VAV3: variants seen among roughly 807,000 people sequenced by gnomAD.
VAV3 encodes guanine nucleotide exchange factor VAV3.
In VAV3, 94 loss-of-function variants were observed where a neutral mutation model predicts 131.2. The observed-to-expected ratio is 0.72, with a 90% CI of 0.61 to 0.85. The LOEUF (loss-of-function observed/expected upper bound fraction) is 0.85. Ranked by LOEUF, VAV3 falls within the 40% of genes least tolerant of loss-of-function variation. The pLI is 0.00. For missense variants in VAV3, 939 were observed against 1,002.7 expected, an observed-to-expected ratio of 0.94 and a Z score of 0.86; for synonymous variants, 349 against 342.0, an observed-to-expected ratio of 1.02 and a Z score of -0.22.
At chr1:107,839,768 TA>T (rs1423181971) in intron 2 of VAV3, among the ~76,000 whole-genome samples, 1 of 152,004 alleles carries the variant, frequency 6.6e-6, no homozygotes, top group Non-Finnish European at 1.5e-5. Context: ...ATAAAACTGA[TA>T]AACTTCCAGC....
At chr1:107,655,115 C>T (rs1030370012) in intron 19 of VAV3, among the ~76,000 whole-genome samples, 3 of 152,024 alleles carry the variant, frequency 2.0e-5, no homozygotes, top group African/African-American at 7.2e-5. Flanking sequence ...TTCACATGCA[C>T]AACTGTTCAA....
chr1:107,765,217 A>T, intron 8 of VAV3, 42 bp from the exon 9 acceptor site: 1 of 1,467,624 alleles, frequency 6.8e-7, no homozygotes, highest in South Asian at 1.1e-5. Context: ...GACAAAAACC[A>T]AGAATGAACT....
intron 1 of VAV3, among the ~76,000 whole-genome samples, chr1:107,886,160 G>T (rs930163314): frequency 7.2e-5 from 11 of 152,196 alleles, no homozygotes; most frequent in African/African-American, 2.7e-4. Flanking sequence ...AATGCCTCAC[G>T]GCCATGACCC....
In VAV3 at chr1:107,839,877, C is replaced by G. The variant is rs1046130790; in HGVS notation, c.321+35024G>C. Among the ~76,000 whole-genome samples the G allele has an allele frequency of 5.8e-4, 88 of 152,144 alleles. 1 individual carries two copies. The highest frequency in any genetic ancestry group is 2.0e-3 in the African/African-American group (85 of 41,524). Reference sequence around the variant, plus strand: ...AATTCCATGGACACTGAAACGATAACAAGGGAATACAATGAACAACACTAT... The same window carrying G: ...AATTCCATGGACACTGAAACGATAAGAAGGGAATACAATGAACAACACTAT... On this transcript the variant is annotated intron_variant, in intron 2 of 26. Transcript: ENST00000370056.
Position 107,768,369 on chromosome 1 carries a change from T to A in VAV3, c.717+72A>T, listed in dbSNP as rs559430844. ...ATACAAAAGAGTATTAAAATAGGGA[T>A]CTGGAACCCCCTAAGGAAATGAAGA... On this transcript the variant is annotated intron_variant, in intron 7 of 26. Coordinates refer to ENST00000370056, the MANE Select transcript of VAV3 (RefSeq NM_006113.5). The A allele has an allele frequency of 3.1e-5, 35 of 1,143,412 alleles. No homozygotes were observed. The African/African-American group carries it at 4.6e-4, about 15-fold the overall frequency. 70.8% of individuals were successfully genotyped at this position (1,143,412 alleles called of 1,614,324 possible). A position where few individuals can be genotyped will look rare whatever the true frequency, so the allele number is the denominator to read the frequency against.
At chr1:107,836,015 T>G (rs2102401366) in intron 2 of VAV3, among the ~76,000 whole-genome samples, 1 of 152,256 alleles carries the variant, frequency 6.6e-6, no homozygotes, top group South Asian at 2.1e-4. Context: ...CACCTAACAC[T>G]GGAGCATCCA....
intron 2 of VAV3, among the ~76,000 whole-genome samples, chr1:107,804,766 T>TG (rs931162515): frequency 2.0e-5 from 3 of 152,084 alleles, no homozygotes; most frequent in Non-Finnish European, 4.4e-5. Flanking sequence ...TTTTGGTTTT[T>TG]TTTGTTTGTT....
chr1:107,809,054 G>T (rs1318074480), intron 2 of VAV3, among the ~76,000 whole-genome samples: 1 of 152,044 alleles, frequency 6.6e-6, no homozygotes, highest in East Asian at 1.9e-4. Context: ...CAAAAGGAAG[G>T]GTATTATTAT....
At chr1:107,583,812 C>T (rs1025315688) in intron 25 of VAV3, among the ~76,000 whole-genome samples, 131 of 152,194 alleles carry the variant, frequency 8.6e-4, no homozygotes, top group African/African-American at 2.7e-3. Context: ...ATCAATATCG[C>T]GAAAATGGCC....
intron 1 of VAV3, among the ~76,000 whole-genome samples, chr1:107,882,648 T>C (rs1219240568): frequency 6.6e-6 from 1 of 152,138 alleles, no homozygotes; most frequent in Non-Finnish European, 1.5e-5. Flanking sequence ...TATATCTCTC[T>C]TTTAAAATTA....
intron 2 of VAV3, among the ~76,000 whole-genome samples, chr1:107,833,162 T>C (rs545319809): frequency 6.6e-6 from 1 of 152,156 alleles, no homozygotes; most frequent in East Asian, 1.9e-4. Context: ...AAGTAGTGAA[T>C]GTAAAGGAAA....
Position 107,839,829 on chromosome 1 carries a change from A to T in VAV3, c.321+35072T>A, listed in dbSNP as rs1227136689. On this transcript the variant is annotated intron_variant, in intron 2 of 26. Transcript: ENST00000370056. ...ATGACACAAATTGCTAATATCAGAAATAAAGGAGAGATCATTACTACTAAT... is the reference window on the plus strand; with the variant it reads ...ATGACACAAATTGCTAATATCAGAATTAAAGGAGAGATCATTACTACTAAT... Among the ~76,000 whole-genome samples, 7 of 152,282 alleles carry T rather than the reference A, an allele frequency of 4.6e-5. No individual in the cohort carries two copies. The East Asian group carries it at 1.3e-3, about 29-fold the overall frequency.
intron 19 of VAV3, chr1:107,669,239 T>C: frequency 8.2e-7 from 1 of 1,225,038 alleles, no homozygotes; most frequent in Non-Finnish European, 1.0e-6. Context: ...GAAGTAATCC[T>C]TACTAAGTGT....
At chr1:107,818,752 TAGATGA>T (rs1022477374) in intron 2 of VAV3, among the ~76,000 whole-genome samples, 3 of 152,192 alleles carry the variant, frequency 2.0e-5, no homozygotes, top group African/African-American at 7.2e-5. Context: ...CAATATCATG[TAGATGA>T]AAGCTGACAA....
At chr1:107,878,242 G>A (rs1670600872) in intron 1 of VAV3, among the ~76,000 whole-genome samples, 1 of 151,916 alleles carries the variant, frequency 6.6e-6, no homozygotes, top group South Asian at 2.1e-4. Context: ...CAACTCCCAG[G>A]AATAAGGACA....
intron 2 of VAV3, among the ~76,000 whole-genome samples, chr1:107,863,178 C>T (rs1249839086): frequency 6.6e-6 from 1 of 152,158 alleles, no homozygotes. Context: ...TACTTTTCCC[C>T]TCGCCAGGTT....
At chr1:107,830,421 TAATGTA>T (rs914373082) in intron 2 of VAV3, among the ~76,000 whole-genome samples, 1 of 151,856 alleles carries the variant, frequency 6.6e-6, no homozygotes, top group African/African-American at 2.4e-5. Context: ...GGAGTCCTGA[TAATGTA>T]AGTAAGCAAA....
At chr1:107,951,907 T>A (rs1674554918) in intron 1 of VAV3, among the ~76,000 whole-genome samples, 1 of 151,842 alleles carries the variant, frequency 6.6e-6, no homozygotes, top group Non-Finnish European at 1.5e-5. Flanking sequence ...TGGAAGACAG[T>A]GTGGTGATGC....
chr1:107,869,290 T>C (rs1670144214), intron 2 of VAV3, among the ~76,000 whole-genome samples: 2 of 152,152 alleles, frequency 1.3e-5, no homozygotes. Flanking sequence ...TAAAATAAAA[T>C]AGTGCTATAC....
Sources: gnomAD v4.1 joint callset for allele counts (sites outside exome capture counted in the v4.1 genomes callset) on GRCh38, gnomAD v4.1.1 for gene constraint, MANE v1.5 for transcripts, NCBI Gene and HGNC (gene_info 2026-07-23, HGNC 2026-07-21) for gene names.